The following MTUS2 variants were observed in gnomAD, a reference collection of about 807,000 sequenced individuals.
The protein encoded by MTUS2 is microtubule-associated tumor suppressor candidate 2.
In MTUS2, 40 loss-of-function variants were observed where a neutral mutation model predicts 114.1. The ratio of observed to expected loss-of-function variants is 0.35; its 90% confidence interval spans 0.27 to 0.46. The LOEUF is 0.46. Ranked by LOEUF, MTUS2 falls within the 20% of genes least tolerant of loss-of-function variation. MTUS2 has a pLI of 1.00. For missense variants in MTUS2, 1,679 were observed against 1,705.4 expected (o/e 0.98, Z 0.27); for synonymous variants, 688 against 672.0 (o/e 1.02, Z -0.37).
chr13:29,213,283 A>G (rs1370678330), intron 5 of MTUS2, among the ~76,000 whole-genome samples: 1 of 152,204 alleles, frequency 6.6e-6, no homozygotes, highest in Non-Finnish European at 1.5e-5. Context: ...CTTGGTAAAC[A>G]TTTCATGCCT....
intron 8 of MTUS2, among the ~76,000 whole-genome samples, chr13:29,422,274 G>A (rs987567236): frequency 6.6e-6 from 1 of 152,134 alleles, no homozygotes; most frequent in Non-Finnish European, 1.5e-5. Context: ...CTGGCTTTAT[G>A]TACACCTGAC....
At chr13:29,013,845 C>T (rs1429441122) in intron 2 of MTUS2, among the ~76,000 whole-genome samples, 1 of 152,254 alleles carries the variant, frequency 6.6e-6, no homozygotes, top group African/African-American at 2.4e-5. Context: ...CATTTCCCCA[C>T]CCCTTCAATT....
intron 4 of MTUS2, among the ~76,000 whole-genome samples, chr13:29,040,196 C>T (rs1887282478): frequency 6.6e-6 from 1 of 152,218 alleles, no homozygotes; most frequent in African/African-American, 2.4e-5. Context: ...TTAGCTCCCA[C>T]TTATGCGTGA....
At chr13:29,070,483 A>G (rs890277307) in intron 4 of MTUS2, among the ~76,000 whole-genome samples, 1 of 152,098 alleles carries the variant, frequency 6.6e-6, no homozygotes, top group Non-Finnish European at 1.5e-5. Flanking sequence ...AGAAACGGTA[A>G]CACCAGTTGG....
intron 5 of MTUS2, among the ~76,000 whole-genome samples, chr13:29,120,726 A>G (rs1891273131): frequency 6.6e-6 from 1 of 152,184 alleles, no homozygotes; most frequent in South Asian, 2.1e-4. Flanking sequence ...CCACTAAAGG[A>G]TGGGCTGATC....
At chr13:29,257,228 C>A (rs968356904) in intron 5 of MTUS2, among the ~76,000 whole-genome samples, 1 of 152,192 alleles carries the variant, frequency 6.6e-6, no homozygotes, top group Non-Finnish European at 1.5e-5. Context: ...CATGTCAGTC[C>A]TTTATTGAAA....
At chr13:28,839,299 G>C (rs1408326055) in intron 1 of MTUS2, among the ~76,000 whole-genome samples, 1 of 152,010 alleles carries the variant, frequency 6.6e-6, no homozygotes, top group African/African-American at 2.4e-5. Context: ...GTTTTTTATT[G>C]CTTCTGAATT....
chr13:29,071,859 C>T (rs1215074335), intron 4 of MTUS2: 1 of 151,966 alleles, frequency 6.6e-6, no homozygotes, highest in African/African-American at 2.4e-5. Flanking sequence ...TTTCCTCCAA[C>T]TCCGAGGTGT....
intron 5 of MTUS2, among the ~76,000 whole-genome samples, chr13:29,153,043 C>T (rs1433313176): frequency 6.6e-6 from 1 of 152,126 alleles, no homozygotes. Flanking sequence ...GGAGAAATAC[C>T]CTAACCCCTC....
At chr13:28,879,259 TG>T (rs1459713730) in intron 2 of MTUS2, among the ~76,000 whole-genome samples, 1 of 152,252 alleles carries the variant, frequency 6.6e-6, no homozygotes, top group Non-Finnish European at 1.5e-5. Context: ...TCTTCCATTC[TG>T]TAGGTTGTCT....
chr13:29,006,867 G>A (rs1467183734), intron 2 of MTUS2, among the ~76,000 whole-genome samples: 1 of 152,124 alleles, frequency 6.6e-6, no homozygotes, highest in Non-Finnish European at 1.5e-5. Flanking sequence ...GCTTTTCTTG[G>A]AAATCCTTCA....
chr13:29,025,722 G>A lies in MTUS2; in HGVS notation c.1024G>A (p.Ala342Thr). 1.2e-6 allele frequency: 2 copies of A among 1,614,042 alleles called. No homozygotes were observed. Among genetic ancestry groups the A allele is most frequent in the Non-Finnish European group, 1.7e-6 (2 of 1,179,898 alleles). The change falls in exon 3 of 16, where the codon GCC becomes ACC. Residue 342 changes from alanine (A) to threonine (T), a missense_variant. Transcript: ENST00000612955. ...ATGCCACAAGGAAGAGAATCTGTCA[G>A]CCTTGGAGGGAAGGGATCCATGTGG... ...LGCHKEENLS[A>T]LEGRDPCGEA...
At chr13:28,889,956 G>C (rs1878819810) in intron 2 of MTUS2, among the ~76,000 whole-genome samples, 1 of 152,166 alleles carries the variant, frequency 6.6e-6, no homozygotes, top group Admixed American at 6.5e-5. Context: ...ACTCGGTTAA[G>C]GTCTTGGCTA....
intron 3 of MTUS2, among the ~76,000 whole-genome samples, chr13:29,027,591 G>C (rs1035979765): frequency 1.3e-5 from 2 of 151,916 alleles, no homozygotes; most frequent in African/African-American, 4.8e-5. Flanking sequence ...TCGCTCTGTC[G>C]CCCAGGCTTG....
intron 4 of MTUS2, among the ~76,000 whole-genome samples, chr13:29,035,155 A>T (rs1435420131): frequency 6.6e-6 from 1 of 152,212 alleles, no homozygotes; most frequent in Non-Finnish European, 1.5e-5. Context: ...AGAAGTACAC[A>T]TATGAGGGGC....
At chr13:29,195,618 A>T (rs1338925103) in intron 5 of MTUS2, among the ~76,000 whole-genome samples, 1 of 150,624 alleles carries the variant, frequency 6.6e-6, no homozygotes, top group Non-Finnish European at 1.5e-5. Context: ...AGATGCAGAG[A>T]GTGTCAAGCA....
chr13:28,851,986 C>T (rs151275432), intron 2 of MTUS2, among the ~76,000 whole-genome samples: 125 of 152,314 alleles, frequency 8.2e-4, no homozygotes, highest in African/African-American at 2.9e-3. Context: ...TGCTTTCCAT[C>T]ACACCGGGAC....
chr13:28,822,251 A>G (rs974376238), intron 1 of MTUS2, among the ~76,000 whole-genome samples: 2 of 152,192 alleles, frequency 1.3e-5, no homozygotes, highest in Non-Finnish European at 2.9e-5. Flanking sequence ...ATGAAGGCTT[A>G]TGTAAGAGCT....
chr13:28,906,356 A>G (rs1201387506), intron 2 of MTUS2, among the ~76,000 whole-genome samples: 5 of 150,672 alleles, frequency 3.3e-5, no homozygotes, highest in Admixed American at 6.6e-5. Context: ...TAGGGTGTCA[A>G]TTTTGGATCT....
Sources: allele counts gnomAD v4.1 joint callset (sites outside exome capture counted in the v4.1 genomes callset), GRCh38; gene constraint gnomAD v4.1.1; transcripts MANE v1.5; gene names NCBI Gene and HGNC (gene_info 2026-07-23, HGNC 2026-07-21).